RUBCN: variants seen among roughly 807,000 people sequenced by gnomAD.
RUBCN encodes the protein rubicon autophagy regulator.
In RUBCN, 74 loss-of-function variants were observed where a neutral mutation model predicts 113.2. That is an observed-to-expected ratio of 0.65 (90% confidence interval 0.54 to 0.79). The LOEUF (loss-of-function observed/expected upper bound fraction) is 0.79. Ranked by LOEUF, RUBCN falls within the 30% of genes least tolerant of loss-of-function variation. The probability of loss-of-function intolerance (pLI) is 0.00; values close to 1 mark genes in which losing one functional copy is unlikely to be tolerated. For missense variants in RUBCN, 1,109 were observed against 1,251.7 expected (o/e 0.89, Z 1.72); for synonymous variants, 480 against 490.0 (o/e 0.98, Z 0.27).
intron 7 of RUBCN, 24 bp from the exon 8 acceptor site, chr3:197,697,073 G>A: frequency 1.7e-6 from 2 of 1,189,110 alleles, no homozygotes; most frequent in Non-Finnish European, 2.5e-6. Context: ...CCACCAGCGA[G>A]TAAAAACACA....
chr3:197,701,579 A>G (rs1245754532), intron 6 of RUBCN, 129 bp downstream of exon 6: 2 of 771,406 alleles, frequency 2.6e-6, no homozygotes, highest in African/African-American at 3.5e-5. Flanking sequence ...ATAACTTGTA[A>G]AGATGTCCCT....
Position 197,736,902 on chromosome 3 carries a change from C to A in RUBCN, c.-183G>T, listed in dbSNP as rs537889379. ...CCTGGGCTGCGGCTTCTATCCCGGC[C>A]ACCCCCACTTCCGGCTCCGGGGACT... On this transcript the variant is annotated 5_prime_UTR_variant, in exon 1 of 20. Transcript: ENST00000296343. The A allele has an allele frequency of 7.3e-7, 1 of 1,363,292 alleles. No homozygotes were observed. Among genetic ancestry groups the A allele is most frequent in the Non-Finnish European group, 9.4e-7 (1 of 1,065,160 alleles). The allele number at this position is 1,363,292 out of a possible 1,614,324, so 84.4% of individuals were successfully genotyped here.
chr3:197,692,149 C>T (rs2108878609), intron 11 of RUBCN, among the ~76,000 whole-genome samples: 1 of 152,128 alleles, frequency 6.6e-6, no homozygotes, highest in African/African-American at 2.4e-5. Context: ...GAAGACTCAG[C>T]CCAGTCACCA....
At chr3:197,695,727 A>G (rs925783858) in intron 9 of RUBCN, 139 bp downstream of exon 9, 1 of 774,726 alleles carries the variant, frequency 1.3e-6, no homozygotes, top group Non-Finnish European at 2.2e-6. Context: ...CAGAAACAGA[A>G]CTTGCTGAGC....
intron 2 of RUBCN, among the ~76,000 whole-genome samples, chr3:197,708,023 A>T (rs1165714325): frequency 1.3e-5 from 2 of 152,196 alleles, no homozygotes; most frequent in African/African-American, 2.4e-5. Context: ...CTTGCTACAA[A>T]AGTGCAAATC....
At chr3:197,712,304 G>T (rs1214608327) in intron 2 of RUBCN, among the ~76,000 whole-genome samples, 1 of 152,106 alleles carries the variant, frequency 6.6e-6, no homozygotes, top group African/African-American at 2.4e-5. Flanking sequence ...CTAAGAATAC[G>T]ATCATGATGT....
Position 197,670,677 on chromosome 3 carries a change from T to C in RUBCN, c.*4341A>G, listed in dbSNP as rs1719702560. Reference sequence around the variant, plus strand: ...ACTTCAGCAGTCTTTCACATGGCTTTTTCATTCTCCTCTCAGTTTAATTTG... The same window carrying C: ...ACTTCAGCAGTCTTTCACATGGCTTCTTCATTCTCCTCTCAGTTTAATTTG... On this transcript the variant is annotated 3_prime_UTR_variant, in exon 20 of 20. Transcript: ENST00000296343. 6.6e-6 allele frequency among the ~76,000 whole-genome samples: 1 copy of C among 152,274 alleles called. No individual in the cohort carries two copies. The highest frequency in any genetic ancestry group is 6.5e-5 in the Admixed American group (1 of 15,290).
At chr3:197,728,205 A>T (rs914386566) in intron 1 of RUBCN, among the ~76,000 whole-genome samples, 22 of 152,244 alleles carry the variant, frequency 1.4e-4, no homozygotes, top group African/African-American at 5.1e-4. Flanking sequence ...GTTCAAGTCT[A>T]GCCTGGGCAA....
At chr3:197,717,885 G>C (rs1580332098) in intron 2 of RUBCN, 92 bp downstream of exon 2, 4 of 1,410,614 alleles carry the variant, frequency 2.8e-6, no homozygotes, top group Non-Finnish European at 3.0e-6. Flanking sequence ...GGAGTCCACA[G>C]ACCAGTGGCC....
At chr3:197,725,455 T>C (rs1726626127) in intron 1 of RUBCN, among the ~76,000 whole-genome samples, 1 of 151,264 alleles carries the variant, frequency 6.6e-6, no homozygotes, top group Non-Finnish European at 1.5e-5. Context: ...GTCTCTCAGC[T>C]CTGGGGCACC....
In RUBCN at chr3:197,676,884, C is replaced by G. The variant is rs757754029; in HGVS notation, c.2646+1G>C. The G allele has an allele frequency of 6.2e-7, 1 of 1,614,202 alleles. No individual in the cohort carries two copies. The highest frequency in any genetic ancestry group is 8.5e-7 in the Non-Finnish European group (1 of 1,180,032). On this transcript the variant is annotated splice_donor_variant, in intron 18 of 19. Transcript: ENST00000296343. LOFTEE classifies it high-confidence loss of function. ...TGCATGCTACAGTGAGACTTTCTCA[C>G]CATGCATCTCTCCACATGGGTAGCC...
At position 197,681,374 on chromosome 3, in the gene RUBCN, A is replaced by C; in HGVS notation, c.2192-7T>G. The C allele has an allele frequency of 6.2e-7, 1 of 1,606,850 alleles. No homozygotes were observed. Reference sequence around the variant, plus strand: ...CGCAGTCGCTTGATGTAATCTGGAAAAACCGGAAAGCCAGAAAGCCAGATG... The same window carrying C: ...CGCAGTCGCTTGATGTAATCTGGAACAACCGGAAAGCCAGAAAGCCAGATG... On this transcript the variant is annotated splice_polypyrimidine_tract_variant and splice_region_variant and intron_variant, in intron 15 of 19. Coordinates refer to ENST00000296343, the MANE Select transcript of RUBCN (RefSeq NM_014687.4). The surrounding 1 kb of genome is among the most constrained non-coding windows in gnomAD (Gnocchi z 5.5).
chr3:197,735,347 C>T (rs1165432211), intron 1 of RUBCN, among the ~76,000 whole-genome samples: 1 of 152,182 alleles, frequency 6.6e-6, no homozygotes, highest in Non-Finnish European at 1.5e-5. Flanking sequence ...TGCAGTGAGC[C>T]GTGTTCACGG....
At position 197,691,140 on chromosome 3, in the gene RUBCN, C is replaced by T. The variant is rs764291653; in HGVS notation, c.1786+2575G>A. ...GATATGTGAGTCAGGTTAGATCCTT[C>T]GCTACCATCTGTGTAATAATGATGA... On this transcript the variant is annotated intron_variant, in intron 11 of 19. Coordinates refer to ENST00000296343, the MANE Select transcript of RUBCN (RefSeq NM_014687.4). 58 of 1,284,260 alleles carry T rather than the reference C, an allele frequency of 4.5e-5. 1 individual carries two copies. The highest frequency in any genetic ancestry group is 2.3e-4 in the South Asian group (19 of 80,926). The allele number at this position is 1,284,260 out of a possible 1,614,324, so 79.6% of individuals were successfully genotyped here. A position where few individuals can be genotyped will look rare whatever the true frequency, so the allele number is the denominator to read the frequency against.
In RUBCN at chr3:197,705,147, T is replaced by C; in HGVS notation, c.248A>G (p.Gln83Arg). The change falls in exon 3 of 20, where the codon CAG (glutamine) becomes CGG (arginine). Residue 83 changes from glutamine (Q) to arginine (R), a missense_variant. Physicochemically the swap from Gln to Arg is conservative, Grantham distance 43. Around this residue, in one of 3 missense-constraint regions of RUBCN, gnomAD observed 736 missense variants for 779.6 expected, o/e 0.94. Transcript: ENST00000296343. ...GAGCCACCGGATGTCTTTCACGAAC[T>C]GCCAGTAATCCGTCTGGCGGCGGCA... is the stretch of plus-strand genomic sequence containing the variant. ...QACRRQTDYW[Q>R]FVKDIRWLSP... The C allele has an allele frequency of 6.2e-7, 1 of 1,614,184 alleles. No homozygotes were observed. The highest frequency in any genetic ancestry group is 8.5e-7 in the Non-Finnish European group (1 of 1,180,018).
At chr3:197,738,330 A>G (rs1211210992), upstream of RUBCN, among the ~76,000 whole-genome samples, 1 of 152,334 alleles carries the variant, frequency 6.6e-6, no homozygotes. Context: ...CAAGTGAGGG[A>G]GAAAGAGCGA....
At chr3:197,692,887 C>G (rs1722581987) in intron 11 of RUBCN, among the ~76,000 whole-genome samples, 1 of 152,202 alleles carries the variant, frequency 6.6e-6, no homozygotes, top group African/African-American at 2.4e-5. Flanking sequence ...CAACACAAGA[C>G]CTATCTGTCA....
intron 11 of RUBCN, among the ~76,000 whole-genome samples, chr3:197,686,735 C>T (rs1011569502): frequency 6.6e-5 from 10 of 152,182 alleles, no homozygotes; most frequent in African/African-American, 2.4e-4. Flanking sequence ...CACTCAGCAT[C>T]CAAGTGGAAT....
intron 16 of RUBCN, among the ~76,000 whole-genome samples, chr3:197,677,799 C>T (rs1400734486): frequency 6.8e-6 from 1 of 146,768 alleles, no homozygotes; most frequent in South Asian, 2.3e-4. Flanking sequence ...TGGCTTCAGA[C>T]TGTCCCACAC....
Sources: allele counts gnomAD v4.1 joint callset (sites outside exome capture counted in the v4.1 genomes callset), GRCh38; gene constraint gnomAD v4.1.1; regional missense constraint gnomAD v4.1.1; non-coding constraint Gnocchi (gnomAD v3.1); transcripts MANE v1.5; gene names NCBI Gene and HGNC (gene_info 2026-07-23, HGNC 2026-07-21).